The following IGF2BP2 variants were observed in gnomAD, a reference collection of about 807,000 sequenced individuals.
IGF2BP2 encodes insulin-like growth factor 2 mRNA-binding protein 2.
A neutral mutation model predicts 75.8 loss-of-function variants in IGF2BP2; 17 were observed. That is an observed-to-expected ratio of 0.22 (90% CI 0.15 to 0.34). IGF2BP2 has a LOEUF of 0.34. Among genes scored for constraint, IGF2BP2 ranks in the 10% least tolerant of loss-of-function variants. The pLI is 1.00. For synonymous variants in IGF2BP2, 288 were observed against 295.6 expected (o/e 0.97, Z 0.26); for missense variants, 516 against 772.4 (o/e 0.67, Z 3.93).
chr3:185,770,578 G>T (rs1392633331), intron 2 of IGF2BP2, among the ~76,000 whole-genome samples: 10 of 152,146 alleles, frequency 6.6e-5, no homozygotes, highest in Non-Finnish European at 1.3e-4. Flanking sequence ...ATTGGTAACA[G>T]ACTCAAGACT....
intron 2 of IGF2BP2, among the ~76,000 whole-genome samples, chr3:185,710,660 G>A (rs1724673884): frequency 6.6e-6 from 1 of 152,076 alleles, no homozygotes; most frequent in African/African-American, 2.4e-5. Flanking sequence ...TTGAACCCAG[G>A]AGGCAGAGGT....
At chr3:185,758,000 G>A (rs1362674701) in intron 2 of IGF2BP2, among the ~76,000 whole-genome samples, 1 of 152,178 alleles carries the variant, frequency 6.6e-6, no homozygotes, top group African/African-American at 2.4e-5. Context: ...AATCAACTGG[G>A]CCAACTGGCC....
chr3:185,691,736 G>A (rs1003239337), intron 5 of IGF2BP2, among the ~76,000 whole-genome samples: 6 of 151,904 alleles, frequency 3.9e-5, no homozygotes, highest in African/African-American at 7.3e-5. Flanking sequence ...CACCACATCC[G>A]GCTGTTGTTG....
chr3:185,723,421 G>C (rs1726860958), intron 2 of IGF2BP2, among the ~76,000 whole-genome samples: 1 of 152,328 alleles, frequency 6.6e-6, no homozygotes, highest in Admixed American at 6.5e-5. Context: ...AAACAAGGAT[G>C]CTGCATCCCA....
intron 2 of IGF2BP2, among the ~76,000 whole-genome samples, chr3:185,780,681 C>T (rs1269499115): frequency 6.6e-6 from 1 of 152,106 alleles, no homozygotes; most frequent in Non-Finnish European, 1.5e-5. Context: ...TACGTGATTC[C>T]TTCTGCTACT....
chr3:185,650,635 C>T (rs1472913928), intron 13 of IGF2BP2, among the ~76,000 whole-genome samples: 1 of 151,882 alleles, frequency 6.6e-6, no homozygotes, highest in Non-Finnish European at 1.5e-5. Flanking sequence ...CGAGATCGCA[C>T]CACTGCACTC....
chr3:185,721,428 C>G (rs1164845154), intron 2 of IGF2BP2, among the ~76,000 whole-genome samples: 2 of 152,092 alleles, frequency 1.3e-5, no homozygotes, highest in Non-Finnish European at 2.9e-5. Flanking sequence ...TCTCGAACTC[C>G]TGACCTCAAG....
chr3:185,664,862 C>T (rs1361146543), intron 10 of IGF2BP2, among the ~76,000 whole-genome samples: 1 of 151,932 alleles, frequency 6.6e-6, no homozygotes, highest in Non-Finnish European at 1.5e-5. Context: ...AGAGAAGCAA[C>T]GCTAAAATTA....
At chr3:185,751,577 G>A (rs755362083) in intron 2 of IGF2BP2, among the ~76,000 whole-genome samples, 4 of 150,320 alleles carry the variant, frequency 2.7e-5, no homozygotes, top group East Asian at 1.9e-4. Context: ...GGCAGGAGAC[G>A]GAGGTTGTGG....
intron 10 of IGF2BP2, among the ~76,000 whole-genome samples, chr3:185,662,976 A>C (rs1383955558): frequency 6.6e-6 from 1 of 152,152 alleles, no homozygotes; most frequent in Non-Finnish European, 1.5e-5. Flanking sequence ...CACCACACCC[A>C]GCCCCATTCC....
chr3:185,685,333 C>G (rs563152309), intron 7 of IGF2BP2, among the ~76,000 whole-genome samples: 1 of 151,116 alleles, frequency 6.6e-6, no homozygotes, highest in South Asian at 2.1e-4. Context: ...GAGTGAAACT[C>G]CGTCTCAAAA....
chr3:185,648,975 A>G (rs1044306123), intron 14 of IGF2BP2, among the ~76,000 whole-genome samples: 38 of 151,556 alleles, frequency 2.5e-4, no homozygotes, highest in Admixed American at 2.4e-3. Context: ...AATCCAGGGA[A>G]GGTGGTGGTC....
chr3:185,760,582 C>A (rs1408765062), intron 2 of IGF2BP2, among the ~76,000 whole-genome samples: 5 of 152,218 alleles, frequency 3.3e-5, no homozygotes, highest in Admixed American at 3.3e-4. Context: ...CTGGCAACCA[C>A]CAGCTGGCTT....
intron 2 of IGF2BP2, among the ~76,000 whole-genome samples, chr3:185,735,953 T>C (rs918244663): frequency 2.6e-5 from 4 of 152,290 alleles, no homozygotes; most frequent in Admixed American, 2.0e-4. Context: ...ACTATATGCA[T>C]ACACTTTGTT....
chr3:185,691,635 G>A (rs1721963956), intron 5 of IGF2BP2, among the ~76,000 whole-genome samples: 1 of 151,912 alleles, frequency 6.6e-6, no homozygotes, highest in Non-Finnish European at 1.5e-5. Flanking sequence ...TTTTAAAGAT[G>A]GGGGTCTCAT....
intron 2 of IGF2BP2, among the ~76,000 whole-genome samples, chr3:185,750,831 C>G (rs1182050536): frequency 6.6e-6 from 1 of 152,250 alleles, no homozygotes; most frequent in African/African-American, 2.4e-5. Context: ...TGCCAGCCAT[C>G]ATAAATCAGC....
intron 2 of IGF2BP2, among the ~76,000 whole-genome samples, chr3:185,742,691 C>T (rs1729730379): frequency 6.6e-6 from 1 of 151,930 alleles, no homozygotes; most frequent in Non-Finnish European, 1.5e-5. Flanking sequence ...ACAAAAACAG[C>T]TGAGTTAGTT....
chr3:185,801,473 G>C (rs1411114311), intron 2 of IGF2BP2, among the ~76,000 whole-genome samples: 2 of 118,902 alleles, frequency 1.7e-5, no homozygotes, highest in East Asian at 2.5e-4. Flanking sequence ...TGGGCAACAA[G>C]AGCAAAACTC....
chr3:185,768,512 C>G (rs1733404452), intron 2 of IGF2BP2, among the ~76,000 whole-genome samples: 1 of 152,060 alleles, frequency 6.6e-6, no homozygotes, highest in South Asian at 2.1e-4. Flanking sequence ...TTAAAAGGTC[C>G]TTTAATACTA....
Sources: gnomAD v4.1 joint callset for allele counts (sites outside exome capture counted in the v4.1 genomes callset) on GRCh38, gnomAD v4.1.1 for gene constraint, MANE v1.5 for transcripts, NCBI Gene and HGNC (gene_info 2026-07-23, HGNC 2026-07-21) for gene names.